The following SLC25A37 variants were observed in gnomAD, a reference collection of about 807,000 sequenced individuals.
The protein encoded by SLC25A37 is mitoferrin-1.
SLC25A37 carries 17 observed loss-of-function variants against 31.0 expected under a neutral mutation model. The observed-to-expected ratio is 0.55, with a 90% CI of 0.38 to 0.82. SLC25A37 has a LOEUF of 0.82. Among genes scored for constraint, SLC25A37 ranks in the 40% least tolerant of loss-of-function variants. SLC25A37 has a pLI of 0.00. For synonymous variants in SLC25A37, 222 were observed against 193.0 expected, an observed-to-expected ratio of 1.15 and a Z score of -1.24; for missense variants, 404 against 465.8, an observed-to-expected ratio of 0.87 and a Z score of 1.22.
chr8:23,544,983 A>T (rs576136394), intron 1 of SLC25A37, among the ~76,000 whole-genome samples: 4 of 152,356 alleles, frequency 2.6e-5, no homozygotes, highest in African/African-American at 7.2e-5. Flanking sequence ...CTAAGCGGTC[A>T]CATCAGAGGC....
intron 1 of SLC25A37, among the ~76,000 whole-genome samples, chr8:23,538,585 C>T (rs1022664782): frequency 2.0e-5 from 3 of 151,086 alleles, no homozygotes; most frequent in Non-Finnish European, 4.4e-5. Flanking sequence ...AGCAGCTATA[C>T]CCCGATGAGG....
intron 1 of SLC25A37, among the ~76,000 whole-genome samples, chr8:23,553,013 C>T (rs772140385): frequency 1.3e-5 from 2 of 152,234 alleles, no homozygotes; most frequent in East Asian, 1.9e-4. Context: ...CTCCTCTTAT[C>T]TCCCCACACA....
chr8:23,533,923 C>G (rs901530298), intron 1 of SLC25A37, among the ~76,000 whole-genome samples: 2 of 145,624 alleles, frequency 1.4e-5, no homozygotes, highest in Non-Finnish European at 3.0e-5. Context: ...CAATCTCTTT[C>G]TCTTTTTTTT....
intron 1 of SLC25A37, among the ~76,000 whole-genome samples, chr8:23,564,397 TTTTG>T (rs35010134): frequency 0.099 from 14,845 of 150,618 alleles, 801 homozygotes; most frequent in South Asian, 0.17. Context: ...TTTTTTATGA[TTTTG>T]TTTGGAGATA....
intron 2 of SLC25A37, 49 bp from the exon 3 acceptor site, chr8:23,568,273 C>T (rs748880392): frequency 1.2e-6 from 2 of 1,608,310 alleles, no homozygotes; most frequent in Non-Finnish European, 8.5e-7. Flanking sequence ...CAGGAACTTC[C>T]TGAGAACACC....
chr8:23,541,569 A>G (rs1801894951), intron 1 of SLC25A37: 1 of 152,230 alleles, frequency 6.6e-6, no homozygotes, highest in South Asian at 2.1e-4. Flanking sequence ...TGCATTGCCT[A>G]AGGCCTGGCT....
chr8:23,529,748 C>T lies in SLC25A37; in HGVS notation c.210+536C>T, dbSNP rs1385207086. Among the ~76,000 whole-genome samples the T allele has an allele frequency of 1.3e-5, 2 of 152,178 alleles. No individual in the cohort carries two copies. The highest frequency in any genetic ancestry group is 2.9e-5 in the Non-Finnish European group (2 of 68,030). On this transcript the variant is annotated intron_variant, in intron 1 of 3. Transcript: ENST00000519973. This position sits in a 1 kb window ranked among gnomAD's most constrained non-coding sequence, Gnocchi z 4.1. ...GGTTATTTCGGGAACTTGGGGCCGG[C>T]AAGTCTTCTCTCGACTAGTGGCAGC...
chr8:23,564,512 G>A (rs1411110159), intron 1 of SLC25A37, among the ~76,000 whole-genome samples: 4 of 151,394 alleles, frequency 2.6e-5, no homozygotes, highest in Admixed American at 6.6e-5. Flanking sequence ...AGGGAAGGGT[G>A]GGAGGAAGGA....
intron 1 of SLC25A37, among the ~76,000 whole-genome samples, chr8:23,563,246 G>A (rs541163084): frequency 1.3e-5 from 2 of 151,772 alleles, no homozygotes; most frequent in Admixed American, 6.5e-5. Flanking sequence ...GAGTGCAGTG[G>A]CACAAACATA....
At chr8:23,533,620 T>C (rs73553670) in intron 1 of SLC25A37, among the ~76,000 whole-genome samples, 1 of 152,248 alleles carries the variant, frequency 6.6e-6, no homozygotes, top group Non-Finnish European at 1.5e-5. Flanking sequence ...TTCTTCTGAC[T>C]CATCGGATGA....
In SLC25A37 at chr8:23,544,408, T is replaced by C. The variant is rs988411921; in HGVS notation, c.210+15196T>C. Among the ~76,000 whole-genome samples the C allele has an allele frequency of 2.6e-5, 4 of 152,296 alleles. No homozygotes were observed. The East Asian group carries it at 7.7e-4, about 29-fold the overall frequency. ...CAGAACATATCCCCGTCATTTGCGA[T>C]GCGTGACTGTAATTAAGGAATGGGG... On this transcript the variant is annotated intron_variant, in intron 1 of 3. Transcript: ENST00000519973.
At chr8:23,564,587 G>A (rs1202617070) in intron 1 of SLC25A37, among the ~76,000 whole-genome samples, 1 of 151,452 alleles carries the variant, frequency 6.6e-6, no homozygotes, top group African/African-American at 2.4e-5. Flanking sequence ...GACTTTGGTG[G>A]GACTGAGCCA....
chr8:23,568,826 C>T, intron 3 of SLC25A37: 1 of 187,098 alleles, frequency 5.3e-6, no homozygotes, highest in East Asian at 1.4e-4. Context: ...ACCTGTAATC[C>T]CAGCTACTGG....
intron 1 of SLC25A37, among the ~76,000 whole-genome samples, chr8:23,558,662 A>G (rs1468663157): frequency 6.6e-6 from 1 of 152,210 alleles, no homozygotes; most frequent in Non-Finnish European, 1.5e-5. Context: ...CAGTGGATGC[A>G]GATACAGACA....
In SLC25A37 at chr8:23,571,733, T is replaced by G; in HGVS notation, c.895T>G (p.Phe299Val). 6.2e-7 allele frequency: 1 copy of G among 1,614,048 alleles called. No homozygotes were observed. Among genetic ancestry groups the G allele is most frequent in the Non-Finnish European group, 8.5e-7 (1 of 1,179,902 alleles). ...VYQLNGLAGY[F>V]KGIQARVIYQ... Reference sequence around the variant, plus strand: ...CCAGCTCAACGGCCTGGCCGGCTACTTCAAAGGCATCCAGGCGCGTGTCAT... The same window carrying G: ...CCAGCTCAACGGCCTGGCCGGCTACGTCAAAGGCATCCAGGCGCGTGTCAT... The change falls in exon 4 of 4, where the codon TTC becomes GTC. Residue 299 changes from phenylalanine to valine, a missense_variant. Transcript: ENST00000519973.
At chr8:23,540,741 T>A (rs1585176158) in intron 1 of SLC25A37, among the ~76,000 whole-genome samples, 1 of 152,204 alleles carries the variant, frequency 6.6e-6, no homozygotes, top group Non-Finnish European at 1.5e-5. Context: ...GGAAGAGCAC[T>A]ACATCATAGT....
chr8:23,551,470 TGA>T (rs1380927953), intron 1 of SLC25A37, among the ~76,000 whole-genome samples: 4 of 151,436 alleles, frequency 2.6e-5, no homozygotes, highest in Admixed American at 6.6e-5. Context: ...TGAGTACAGG[TGA>T]GAGTGCTCCC....
At chr8:23,559,756 C>A (rs997106594) in intron 1 of SLC25A37, among the ~76,000 whole-genome samples, 3 of 152,202 alleles carry the variant, frequency 2.0e-5, no homozygotes, top group African/African-American at 4.8e-5. Flanking sequence ...CAGTATTTGT[C>A]TTTTTGTGAC....
intron 2 of SLC25A37, chr8:23,566,848 C>T: frequency 3.0e-6 from 3 of 985,554 alleles, no homozygotes; most frequent in Non-Finnish European, 3.6e-6. Context: ...AGGACTCGCG[C>T]AACGCAGAAG....
Sources: gnomAD v4.1 joint callset for allele counts (sites outside exome capture counted in the v4.1 genomes callset) on GRCh38, gnomAD v4.1.1 for gene constraint, Gnocchi (gnomAD v3.1) non-coding constraint, MANE v1.5 for transcripts, NCBI Gene and HGNC (gene_info 2026-07-23, HGNC 2026-07-21) for gene names.